The following HECTD4 variants were observed in gnomAD, a reference collection of about 807,000 sequenced individuals.
HECTD4 encodes probable E3 ubiquitin-protein ligase HECTD4.
In HECTD4, 114 loss-of-function variants were observed where a neutral mutation model predicts 471.5. That is an observed-to-expected ratio of 0.24 (90% CI 0.21 to 0.28). HECTD4 has a LOEUF of 0.28. Ranked by LOEUF, HECTD4 falls within the 10% of genes least tolerant of loss-of-function variation. HECTD4 has a pLI of 1.00. For missense variants in HECTD4, 3,866 were observed against 5,651.5 expected, an observed-to-expected ratio of 0.68 and a Z score of 10.13; for synonymous variants, 2,012 against 2,256.0, an observed-to-expected ratio of 0.89 and a Z score of 3.07.
chr12:112,292,439 C>A (rs768348618), intron 7 of HECTD4, among the ~76,000 whole-genome samples: 1 of 152,196 alleles, frequency 6.6e-6, no homozygotes, highest in African/African-American at 2.4e-5. Flanking sequence ...ATAATATTTA[C>A]CAATGCTTGA....
chr12:112,356,129 C>T (rs980710224), intron 1 of HECTD4, among the ~76,000 whole-genome samples: 9 of 151,936 alleles, frequency 5.9e-5, no homozygotes, highest in African/African-American at 2.2e-4. Flanking sequence ...CGTATAAGCA[C>T]CATATGAAGC....
intron 1 of HECTD4, among the ~76,000 whole-genome samples, chr12:112,380,335 C>T (rs1297229741): frequency 2.0e-5 from 3 of 151,982 alleles, no homozygotes; most frequent in Admixed American, 6.6e-5. Flanking sequence ...ATCCCAGCAA[C>T]TCGGGAGGCA....
chr12:112,313,631 G>A (rs2035415813), intron 3 of HECTD4, among the ~76,000 whole-genome samples: 2 of 151,718 alleles, frequency 1.3e-5, no homozygotes, highest in Non-Finnish European at 2.9e-5. Flanking sequence ...GGGACTACAG[G>A]GGCTCACCAT....
chr12:112,319,508 G>C lies in HECTD4; in HGVS notation c.412C>G (p.Gln138Glu), dbSNP rs1288484812. ...KRQGLLQQPEQAPFTSRMGLL... is the reference protein window; with the variant it reads ...KRQGLLQQPEEAPFTSRMGLL... ...CCCATCCTCGATGTGAAGGGCGCTT[G>C]CTCAGGTTGCTGCAACAAGCCCTGG... The change falls in exon 2 of 76, where the codon CAA becomes GAA. Residue 138 changes from glutamine to glutamate, a missense_variant. By Grantham distance (29) the Gln-to-Glu change is conservative (BLOSUM62 2). Around this residue, in one of 16 missense-constraint regions of HECTD4, gnomAD observed 440 missense variants for 636.0 expected, o/e 0.69. Transcript: ENST00000682272. The surrounding 1 kb of genome is among the most constrained non-coding windows in gnomAD (Gnocchi z 5.3). The C allele has an allele frequency of 6.8e-7, 1 of 1,474,908 alleles. No homozygotes were observed. Among genetic ancestry groups the C allele is most frequent in the South Asian group, 1.4e-5 (1 of 73,818 alleles). 91.4% of individuals were successfully genotyped at this position (1,474,908 alleles called of 1,614,324 possible). A position where few individuals can be genotyped will look rare whatever the true frequency, so the allele number is the denominator to read the frequency against.
chr12:112,184,528 C>G lies in HECTD4; in HGVS notation c.10438G>C (p.Ala3480Pro). ...GAGGCGGAGGCGCTGATGCTCATGGCGGGGGTCAGGCTGCTGGACGTGCTG... is the reference window on the plus strand; with the variant it reads ...GAGGCGGAGGCGCTGATGCTCATGGGGGGGGTCAGGCTGCTGGACGTGCTG... ...EVSTSSSLTP[A>P]MSISASASTS... is the part of the protein sequence containing the mutation. Residue 3480 changes from alanine to proline, a missense_variant, in exon 61 of 76, where the codon GCC (alanine) becomes CCC (proline). Transcript: ENST00000682272. This position sits in a 1 kb window ranked among gnomAD's most constrained non-coding sequence, Gnocchi z 9.1. 1 of 1,609,558 alleles carries G rather than the reference C, an allele frequency of 6.2e-7. No individual in the cohort carries two copies. Among genetic ancestry groups the G allele is most frequent in the South Asian group, 1.1e-5 (1 of 90,860 alleles).
chr12:112,218,225 T>C (rs2032983866), intron 45 of HECTD4, among the ~76,000 whole-genome samples: 1 of 152,118 alleles, frequency 6.6e-6, no homozygotes, highest in African/African-American at 2.4e-5. Flanking sequence ...AATGTTTTGT[T>C]TTGATTTTTA....
Position 112,163,997 on chromosome 12 carries a change from T to C in HECTD4, c.12701+112A>G. The C allele has an allele frequency of 1.7e-6, 2 of 1,174,630 alleles. No homozygotes were observed. Among genetic ancestry groups the C allele is most frequent in the Non-Finnish European group, 2.2e-6 (2 of 889,492 alleles). The allele number at this position is 1,174,630 out of a possible 1,614,324, so 72.8% of individuals were successfully genotyped here. The stretch of plus-strand genomic sequence containing the variant: ...TCTCCCTCTCCTGGTGAAATCCACC[T>C]GTCACCTGACCTAGGTCCTCGTGTC... On this transcript the variant is annotated intron_variant, in intron 73 of 75. Coordinates refer to ENST00000682272, the MANE Select transcript of HECTD4 (RefSeq NM_001388303.1). This position sits in a 1 kb window ranked among gnomAD's most constrained non-coding sequence, Gnocchi z 8.2.
Position 112,250,224 on chromosome 12 carries a change from C to G in HECTD4, c.3870G>C (p.Arg1290=). 1.2e-6 allele frequency: 2 copies of G among 1,613,920 alleles called. No individual in the cohort carries two copies. The highest frequency in any genetic ancestry group is 1.7e-6 in the Non-Finnish European group (2 of 1,179,880). ...TCATGATTCCTGGAGGCAGTCTGAT[C>G]CGAGGCAGATCAAAGTAGTTTCCAA... ...PPVGNYFDLP[R]IRLPPGIMIK... The change falls in exon 25 of 76, where the codon CGG becomes CGC. Residue 1290 remains arginine (R), a synonymous_variant. Transcript: ENST00000682272.
Position 112,259,093 on chromosome 12 carries a change from G to T in HECTD4, c.3027+19C>A. ...GGTTGGCCAAAAAGCAGTTCACTTT[G>T]GCACACCAAGGATCATACCTGGCTG... On this transcript the variant is annotated intron_variant, in intron 19 of 75. Transcript: ENST00000682272. 1 of 1,581,714 alleles carries T rather than the reference G, an allele frequency of 6.3e-7. No homozygotes were observed.
chr12:112,364,818 A>C (rs2036529098), intron 1 of HECTD4, among the ~76,000 whole-genome samples: 1 of 152,262 alleles, frequency 6.6e-6, no homozygotes, highest in South Asian at 2.1e-4. Context: ...AGTTCATCAA[A>C]AATAACTACC....
chr12:112,187,075 G>A (rs1020363902), intron 60 of HECTD4, among the ~76,000 whole-genome samples: 1 of 151,990 alleles, frequency 6.6e-6, no homozygotes, highest in African/African-American at 2.4e-5. Context: ...CGCCTCCCAG[G>A]TTCAAGCAAT....
At chr12:112,291,059 T>C (rs1246142218) in intron 7 of HECTD4, among the ~76,000 whole-genome samples, 1 of 152,068 alleles carries the variant, frequency 6.6e-6, no homozygotes, top group African/African-American at 2.4e-5. Context: ...TTCCTACTAA[T>C]CCCATTCCTG....
chr12:112,177,800 T>C (rs901343674), intron 64 of HECTD4, among the ~76,000 whole-genome samples: 2 of 152,220 alleles, frequency 1.3e-5, no homozygotes, highest in African/African-American at 4.8e-5. Flanking sequence ...TACCCAACAC[T>C]GGGCATATGT....
At position 112,179,215 on chromosome 12, in the gene HECTD4, C is replaced by T. The variant is rs887679500; in HGVS notation, c.11170G>A (p.Val3724Ile). ...TCCAGCACCTTTTTTGGCGGCCGGA[C>T]ATTGGTGAAGAAGAGGTGGAGGAGG... ...GNLLHLFFTNVRPPKKVLEDQ... is the reference protein window; with the variant it reads ...GNLLHLFFTNIRPPKKVLEDQ... The change falls in exon 63 of 76, where the codon GTC (valine) becomes ATC (isoleucine). Residue 3724 changes from valine to isoleucine, a missense_variant. Val to Ile is a conservative substitution (Grantham distance 29). Around this residue, in one of 16 missense-constraint regions of HECTD4, gnomAD observed 715 missense variants for 1,087.6 expected, o/e 0.66. Coordinates refer to ENST00000682272, the MANE Select transcript of HECTD4 (RefSeq NM_001388303.1). The surrounding 1 kb of genome is among the most constrained non-coding windows in gnomAD (Gnocchi z 4.3). 1 of 1,613,844 alleles carries T rather than the reference C, an allele frequency of 6.2e-7. No individual in the cohort carries two copies. Among genetic ancestry groups the T allele is most frequent in the Non-Finnish European group, 8.5e-7 (1 of 1,179,864 alleles).
intron 17 of HECTD4, 27 bp downstream of exon 17, chr12:112,264,057 A>T: frequency 6.2e-7 from 1 of 1,600,780 alleles, no homozygotes; most frequent in East Asian, 2.2e-5. Context: ...GGTAGAACGC[A>T]TCGTTAAAAT....
In HECTD4 at chr12:112,314,507, T is replaced by C. The variant is rs1276558707; in HGVS notation, c.735A>G (p.Leu245=). The change falls in exon 3 of 76, where the codon TTA becomes TTG. Residue 245 remains leucine, a synonymous_variant. Transcript: ENST00000682272. The part of the protein sequence containing the change: ...LKTFVHTVHL[L]QKQTDLGSLP... Reference sequence around the variant, plus strand: ...GGGACCCTAGATCCGTCTGTTTCTGTAATAGATGGACTGTGTGGACGAAAG... The same window carrying C: ...GGGACCCTAGATCCGTCTGTTTCTGCAATAGATGGACTGTGTGGACGAAAG... 2 of 1,532,006 alleles carry C rather than the reference T, an allele frequency of 1.3e-6. No individual in the cohort carries two copies. Among genetic ancestry groups the C allele is most frequent in the Non-Finnish European group, 1.7e-6 (2 of 1,143,232 alleles). The allele number at this position is 1,532,006 out of a possible 1,614,324, so 94.9% of individuals were successfully genotyped here. A position where few individuals can be genotyped will look rare whatever the true frequency, so the allele number is the denominator to read the frequency against.
At position 112,381,497 on chromosome 12, in the gene HECTD4, A is replaced by G. The variant is rs1337639850; in HGVS notation, c.177+455T>C. Among the ~76,000 whole-genome samples, 1 of 152,216 alleles carries G rather than the reference A, an allele frequency of 6.6e-6. No individual in the cohort carries two copies. Among genetic ancestry groups the G allele is most frequent in the African/African-American group, 2.4e-5 (1 of 41,476 alleles). The stretch of plus-strand genomic sequence containing the variant: ...AAAAACCAAACCAAACCAAACAAAA[A>G]AAACAGAACTAGGGAAGAAAAGGAT... On this transcript the variant is annotated intron_variant, in intron 1 of 75. Coordinates refer to ENST00000682272, the MANE Select transcript of HECTD4 (RefSeq NM_001388303.1). This position sits in a 1 kb window ranked among gnomAD's most constrained non-coding sequence, Gnocchi z 4.1.
Position 112,210,186 on chromosome 12 carries a change from T to C in HECTD4, c.7696A>G (p.Asn2566Asp), listed in dbSNP as rs895918083. ...AGGTCAGTGCACAGGTCAGCAGCATTGCGGTGGGCCTGCCCTTCCGCGTAG... is the reference window on the plus strand; with the variant it reads ...AGGTCAGTGCACAGGTCAGCAGCATCGCGGTGGGCCTGCCCTTCCGCGTAG... ...FAYAEGQAHR[N>D]AADLCTDLAE... Residue 2566 changes from asparagine (N) to aspartate (D), a missense_variant, in exon 50 of 76, where the codon AAT becomes GAT. Asn to Asp is a conservative substitution (Grantham distance 23). Transcript: ENST00000682272. 1 of 1,614,066 alleles carries C rather than the reference T, an allele frequency of 6.2e-7. No individual in the cohort carries two copies. The highest frequency in any genetic ancestry group is 8.5e-7 in the Non-Finnish European group (1 of 1,179,898).
chr12:112,356,844 G>C (rs1314370093), intron 1 of HECTD4, among the ~76,000 whole-genome samples: 1 of 152,132 alleles, frequency 6.6e-6, no homozygotes, highest in Non-Finnish European at 1.5e-5. Context: ...GAACTTTTAG[G>C]CTTCCTGATT....
Sources: allele counts gnomAD v4.1 joint callset (sites outside exome capture counted in the v4.1 genomes callset), GRCh38; gene constraint gnomAD v4.1.1; regional missense constraint gnomAD v4.1.1; non-coding constraint Gnocchi (gnomAD v3.1); transcripts MANE v1.5; gene names NCBI Gene and HGNC (gene_info 2026-07-23, HGNC 2026-07-21).